HCRTR2: variants seen among roughly 807,000 people sequenced by gnomAD.
HCRTR2 encodes hypocretin receptor 2, also known as orexin receptor type 2.
HCRTR2 carries 22 observed loss-of-function variants against 49.0 expected under a neutral mutation model. The ratio of observed to expected loss-of-function variants is 0.45; its 90% confidence interval spans 0.32 to 0.64. The LOEUF is 0.64. Among genes scored for constraint, HCRTR2 ranks in the 30% least tolerant of loss-of-function variants. The probability of loss-of-function intolerance (pLI) is 0.04; values close to 1 mark genes in which losing one functional copy is unlikely to be tolerated. For missense variants in HCRTR2, 491 were observed against 559.4 expected, an observed-to-expected ratio of 0.88 and a Z score of 1.23; for synonymous variants, 236 against 205.3, an observed-to-expected ratio of 1.15 and a Z score of -1.28.
At chr6:55,197,262 C>A (rs1016661191) in intron 1 of HCRTR2, among the ~76,000 whole-genome samples, 6 of 152,126 alleles carry the variant, frequency 3.9e-5, no homozygotes, top group Non-Finnish European at 7.3e-5. Flanking sequence ...AACCTCAAAT[C>A]TAACTCTGAT....
At chr6:55,276,852 C>G (rs905874272) in intron 4 of HCRTR2, among the ~76,000 whole-genome samples, 17 of 152,110 alleles carry the variant, frequency 1.1e-4, no homozygotes, top group African/African-American at 4.1e-4. Flanking sequence ...TAAAAATATC[C>G]TTTCATTCAA....
intron 1 of HCRTR2, among the ~76,000 whole-genome samples, chr6:55,242,282 C>A (rs1047400161): frequency 1.1e-4 from 17 of 152,098 alleles, no homozygotes; most frequent in African/African-American, 4.1e-4. Flanking sequence ...TATAGTGCAA[C>A]CATCGTCACT....
At chr6:55,233,071 A>C (rs2127300737) in intron 1 of HCRTR2, among the ~76,000 whole-genome samples, 1 of 151,160 alleles carries the variant, frequency 6.6e-6, no homozygotes, top group East Asian at 1.9e-4. Flanking sequence ...CAAAAAATGG[A>C]TTTTTGAAAA....
chr6:55,135,391 T>C (rs1054135915), intron 1 of HCRTR2, among the ~76,000 whole-genome samples: 2 of 152,112 alleles, frequency 1.3e-5, no homozygotes, highest in Non-Finnish European at 2.9e-5. Flanking sequence ...GATTCAGGAC[T>C]CTTAAAGACC....
intron 1 of HCRTR2, among the ~76,000 whole-genome samples, chr6:55,181,607 C>T (rs1765135287): frequency 6.6e-6 from 1 of 152,044 alleles, no homozygotes; most frequent in African/African-American, 2.4e-5. Flanking sequence ...TTATTCTTCA[C>T]AACAACATTA....
chr6:55,174,937 G>T (rs1310492008), intron 1 of HCRTR2, 127 bp downstream of exon 1: 6 of 687,234 alleles, frequency 8.7e-6, no homozygotes, highest in Non-Finnish European at 1.5e-5. Flanking sequence ...CTCGGATGGG[G>T]TTTTCTAATA....
chr6:55,174,293 C>CCGGA, upstream of HCRTR2: 1 of 453,646 alleles, frequency 2.2e-6, no homozygotes, highest in Non-Finnish European at 4.1e-6. Flanking sequence ...TTCAGCTGAG[C>CCGGA]CGGACGTAGC....
chr6:55,215,494 G>A (rs764413237), intron 1 of HCRTR2, among the ~76,000 whole-genome samples: 1 of 152,122 alleles, frequency 6.6e-6, no homozygotes, highest in Admixed American at 6.6e-5. Flanking sequence ...AAAGTATAAA[G>A]CTCATTGGTC....
chr6:55,270,080 G>C (rs1766944388), intron 4 of HCRTR2, among the ~76,000 whole-genome samples: 1 of 152,160 alleles, frequency 6.6e-6, no homozygotes, highest in South Asian at 2.1e-4. Context: ...TGAATTCACT[G>C]TATTGCTGAG....
chr6:55,168,125 A>G (rs544497794), intron 1 of HCRTR2, among the ~76,000 whole-genome samples: 1 of 152,332 alleles, frequency 6.6e-6, no homozygotes, highest in African/African-American at 2.4e-5. Flanking sequence ...AGTGCATGCT[A>G]AGTCTGGGGA....
rs1410213918 is a variant in HCRTR2, at chr6:55,204,597, C to T, written c.223+29787C>T. 3.3e-5 allele frequency among the ~76,000 whole-genome samples: 5 copies of T among 152,218 alleles called. No homozygotes were observed. The East Asian group carries it at 9.7e-4, about 30-fold the overall frequency. On this transcript the variant is annotated intron_variant, in intron 1 of 6. Transcript: ENST00000370862. ...GCAAAGGAGATTGTAGAAGCTATCA[C>T]ACTCTTTATATATTTTGAAGACACA...
chr6:55,245,300 T>A (rs930929992), intron 1 of HCRTR2, among the ~76,000 whole-genome samples: 29 of 149,722 alleles, frequency 1.9e-4, no homozygotes, highest in Non-Finnish European at 3.0e-4. Context: ...ATATCTTTTT[T>A]TCTTTTTATT....
At chr6:55,237,828 A>C (rs898389642) in intron 1 of HCRTR2, among the ~76,000 whole-genome samples, 2 of 152,222 alleles carry the variant, frequency 1.3e-5, no homozygotes, top group African/African-American at 4.8e-5. Flanking sequence ...CTTTCGTACT[A>C]CAATATTTAG....
intron 1 of HCRTR2, among the ~76,000 whole-genome samples, chr6:55,237,900 GCA>G (rs1007541946): frequency 6.6e-6 from 1 of 152,186 alleles, no homozygotes; most frequent in Non-Finnish European, 1.5e-5. Flanking sequence ...GGTTGAAACT[GCA>G]CAGTTTTCTG....
intron 3 of HCRTR2, among the ~76,000 whole-genome samples, chr6:55,260,790 A>G (rs1234477494): frequency 2.0e-5 from 3 of 152,218 alleles, no homozygotes; most frequent in African/African-American, 7.2e-5. Context: ...CAAGAATCAA[A>G]TGCATGATTG....
At chr6:55,259,653 G>T (rs920527800) in intron 3 of HCRTR2, among the ~76,000 whole-genome samples, 1 of 136,624 alleles carries the variant, frequency 7.3e-6, no homozygotes, top group Non-Finnish European at 1.6e-5. Context: ...TTATTAGTTA[G>T]TTTCATATAT....
chr6:55,176,528 C>A (rs1475234372), intron 1 of HCRTR2, among the ~76,000 whole-genome samples: 1 of 152,170 alleles, frequency 6.6e-6, no homozygotes, highest in African/African-American at 2.4e-5. Flanking sequence ...AGTGAATAAT[C>A]AAAATTGAAC....
At chr6:55,199,274 T>A (rs1765469277) in intron 1 of HCRTR2, among the ~76,000 whole-genome samples, 1 of 151,962 alleles carries the variant, frequency 6.6e-6, no homozygotes. Flanking sequence ...TTGTTTTTTT[T>A]TTTAATGCAG....
chr6:55,129,547 A>G (rs1358591258), intron 1 of HCRTR2, among the ~76,000 whole-genome samples: 1 of 152,216 alleles, frequency 6.6e-6, no homozygotes. Flanking sequence ...AAAACTAGAA[A>G]TTTACAAGTT....
Sources: gnomAD v4.1 joint callset for allele counts (sites outside exome capture counted in the v4.1 genomes callset) on GRCh38, gnomAD v4.1.1 for gene constraint, MANE v1.5 for transcripts, NCBI Gene and HGNC (gene_info 2026-07-23, HGNC 2026-07-21) for gene names.